Variants in PARVG observed in about 807,000 individuals in gnomAD.
The protein encoded by PARVG is gamma-parvin.
A neutral mutation model predicts 44.4 loss-of-function variants in PARVG; 36 were observed. The observed-to-expected ratio is 0.81, with a 90% confidence interval of 0.62 to 1.07. The LOEUF is 1.07. PARVG is among the 50% of genes least tolerant of loss of function. The probability of loss-of-function intolerance (pLI) is 0.00; values close to 1 mark genes in which losing one functional copy is unlikely to be tolerated. For missense variants in PARVG, 407 were observed against 407.4 expected (o/e 1.00, Z 0.01); for synonymous variants, 170 against 174.1 (o/e 0.98, Z 0.19).
chr22:44,181,964 G>A (rs1249479811), intron 2 of PARVG, 47 bp downstream of exon 2: 1 of 984,180 alleles, frequency 1.0e-6, no homozygotes, highest in Non-Finnish European at 1.2e-6. Flanking sequence ...TGGGGGTCAC[G>A]GAGGGAGGGG....
intron 6 of PARVG, among the ~76,000 whole-genome samples, chr22:44,189,882 A>C (rs928599337): frequency 1.3e-5 from 2 of 151,972 alleles, no homozygotes; most frequent in African/African-American, 4.8e-5. Context: ...GCACCACTTC[A>C]CTCCAGTCTG....
chr22:44,189,283 G>C, intron 6 of PARVG, 29 bp downstream of exon 6: 4 of 1,611,128 alleles, frequency 2.5e-6, no homozygotes, highest in Non-Finnish European at 3.4e-6. Context: ...GGCTACCCCT[G>C]GGGAGTGTGG....
upstream of PARVG, chr22:44,180,910 G>A: frequency 2.0e-6 from 2 of 985,384 alleles, no homozygotes; most frequent in South Asian, 4.7e-5. Context: ...TTTCAGCCCG[G>A]ATGGTGAAGA....
At chr22:44,205,727 C>T in intron 12 of PARVG, 30 bp from the exon 13 acceptor site, 1 of 1,612,680 alleles carries the variant, frequency 6.2e-7, no homozygotes, top group Non-Finnish European at 8.5e-7. Context: ...GCTGCTTGTG[C>T]CCACATCTGA....
At chr22:44,190,852 A>T (rs1253737476) in intron 7 of PARVG, among the ~76,000 whole-genome samples, 186 bp downstream of exon 7, 1 of 152,152 alleles carries the variant, frequency 6.6e-6, no homozygotes, top group Non-Finnish European at 1.5e-5. Flanking sequence ...ACGGGCTGGT[A>T]AGGGTCTAGT....
chr22:44,196,425 G>A lies in PARVG; in HGVS notation c.711+10G>A. ...GAATCTGGACACCCAGGTAGGGACT[G>A]AGCTGCGGCGTCCCCAGGCAGGGCA... On this transcript the variant is annotated intron_variant, in intron 11 of 13. Coordinates refer to ENST00000444313, the MANE Select transcript of PARVG (RefSeq NM_022141.7). The A allele has an allele frequency of 5.0e-6, 8 of 1,614,042 alleles. No individual in the cohort carries two copies. Among genetic ancestry groups the A allele is most frequent in the Non-Finnish European group, 5.9e-6 (7 of 1,179,998 alleles).
chr22:44,193,918 C>T, intron 9 of PARVG, 95 bp downstream of exon 9: 1 of 1,458,960 alleles, frequency 6.9e-7, no homozygotes, highest in Non-Finnish European at 9.5e-7. Context: ...AGCATTCTCT[C>T]ATTTCCCTGT....
intron 4 of PARVG, chr22:44,187,147 C>A (rs1007219245): frequency 5.6e-6 from 1 of 177,376 alleles, no homozygotes; most frequent in African/African-American, 2.4e-5. Flanking sequence ...ACCACAGAAA[C>A]CTACTGTCTT....
chr22:44,187,316 T>G, intron 4 of PARVG: 2 of 182,478 alleles, frequency 1.1e-5, no homozygotes, highest in South Asian at 1.2e-4. Flanking sequence ...AGTCCCCACC[T>G]CCATCTTCAC....
intron 12 of PARVG, among the ~76,000 whole-genome samples, chr22:44,203,772 C>T (rs1007423015): frequency 1.3e-5 from 2 of 152,234 alleles, no homozygotes; most frequent in African/African-American, 2.4e-5. Context: ...TCTGTCCACT[C>T]GGAGCTTCCC....
chr22:44,203,707 A>C (rs899957980), intron 12 of PARVG, among the ~76,000 whole-genome samples: 1 of 152,236 alleles, frequency 6.6e-6, no homozygotes, highest in Non-Finnish European at 1.5e-5. Flanking sequence ...AGAATATTCC[A>C]GTCTAGGAGG....
In PARVG at chr22:44,205,766, G is replaced by A. The variant is rs374479027; in HGVS notation, c.823G>A (p.Val275Ile). 79 of 1,613,634 alleles carry A rather than the reference G, an allele frequency of 4.9e-5. No homozygotes were observed. The highest frequency in any genetic ancestry group is 1.2e-4 in the African/African-American group (9 of 75,044). Residue 275 changes from valine to isoleucine, a missense_variant, in exon 13 of 14, where the codon GTC becomes ATC. Physicochemically the swap from Val to Ile is conservative, Grantham distance 29. Transcript: ENST00000444313. ...GGCCTTGTCATCATAGCTGCACAAC[G>A]TCACCCTGGCGCTGGAGCTGCTGAA... ...PNSPAEMLHN[V>I]TLALELLKDE...
At chr22:44,186,581 C>T (rs190078159) in intron 4 of PARVG, 16 of 471,240 alleles carry the variant, frequency 3.4e-5, no homozygotes, top group African/African-American at 2.6e-4. Flanking sequence ...GACCAGCACA[C>T]CTGGCCCAGC....
At chr22:44,176,737 C>T (rs562057132), upstream of PARVG, among the ~76,000 whole-genome samples, 4 of 151,986 alleles carry the variant, frequency 2.6e-5, no homozygotes, top group South Asian at 8.3e-4. Context: ...GTGTATTAAT[C>T]CATTCTCATG....
chr22:44,206,326 A>T lies in PARVG; in HGVS notation c.896A>T (p.Asn299Ile). 5 of 1,613,532 alleles carry T rather than the reference A, an allele frequency of 3.1e-6. No homozygotes were observed. The highest frequency in any genetic ancestry group is 4.2e-6 in the Non-Finnish European group (5 of 1,179,738). Residue 299 changes from asparagine (N) to isoleucine (I), a missense_variant, in exon 14 of 14, where the codon AAC becomes ATC. Transcript: ENST00000444313. ...CTCCTTTGGCCCGCAGATATCGTGA[A>T]CAAGGATGCCAAGAGCACACTGAGG... is the stretch of plus-strand genomic sequence containing the variant. ...SCPVSPEDIV[N>I]KDAKSTLRVL...
chr22:44,187,649 G>T, intron 4 of PARVG, 127 bp from the exon 5 acceptor site: 1 of 836,216 alleles, frequency 1.2e-6, no homozygotes, highest in Non-Finnish European at 2.0e-6. Flanking sequence ...CCCAGTGGAG[G>T]TGACATTTGA....
Position 44,208,082 on chromosome 22 carries a change from C to T in PARVG, c.*1656C>T, listed in dbSNP as rs183133368. The T allele has an allele frequency of 1.2e-4, 18 of 152,344 alleles. No homozygotes were observed. Among genetic ancestry groups the T allele is most frequent in the African/African-American group, 4.1e-4 (17 of 41,528 alleles). The allele number at this position is 152,344 out of a possible 1,614,324, so 9.4% of individuals were successfully genotyped here. On this transcript the variant is annotated 3_prime_UTR_variant, in exon 14 of 14. Transcript: ENST00000444313. ...GGCTTCATCCCAAAAGCCTGAAATC[C>T]AGCCCCACTTCCTGGGGCCTTTGAG...
intron 4 of PARVG, chr22:44,186,630 C>T (rs1445280319): frequency 1.1e-5 from 5 of 471,114 alleles, no homozygotes; most frequent in Non-Finnish European, 2.2e-5. Flanking sequence ...GTGGTCTTGC[C>T]CGGAAGACCT....
At chr22:44,177,588 G>C (rs1260111116), upstream of PARVG, among the ~76,000 whole-genome samples, 2 of 152,136 alleles carry the variant, frequency 1.3e-5, no homozygotes, top group Non-Finnish European at 2.9e-5. Flanking sequence ...AGAATGTCTT[G>C]CAGCTTGGAT....
Sources: allele counts gnomAD v4.1 joint callset (sites outside exome capture counted in the v4.1 genomes callset), GRCh38; gene constraint gnomAD v4.1.1; transcripts MANE v1.5; gene names NCBI Gene and HGNC (gene_info 2026-07-23, HGNC 2026-07-21).